Variants in MAML1 observed in about 807,000 individuals in gnomAD.
MAML1 encodes the protein mastermind-like protein 1.
A neutral mutation model predicts 77.1 loss-of-function variants in MAML1; 14 were observed. The observed-to-expected ratio is 0.18, with a 90% CI of 0.12 to 0.28. The LOEUF (loss-of-function observed/expected upper bound fraction) is 0.28, where lower values mean the gene tolerates loss of function less well. Ranked by LOEUF, MAML1 falls within the 10% of genes least tolerant of loss-of-function variation. MAML1 has a pLI of 1.00. For missense variants in MAML1, 1,217 were observed against 1,327.8 expected (o/e 0.92, Z 1.30); for synonymous variants, 516 against 551.9 (o/e 0.93, Z 0.91).
intron 1 of MAML1, among the ~76,000 whole-genome samples, chr5:179,737,729 T>G (rs1021419095): frequency 2.6e-4 from 26 of 99,670 alleles, no homozygotes; most frequent in African/African-American, 7.5e-4. Context: ...CTGCTTAGTC[T>G]GTTAGAGATG....
rs1055246227 is a variant in MAML1, at chr5:179,777,014, T to G, written c.*2137T>G. ...AATGTTTACAATTTTATATGAAAGA[T>G]GGAATAAGCGCTAGAGCTTCCAACT... On this transcript the variant is annotated 3_prime_UTR_variant, in exon 5 of 5. Transcript: ENST00000292599. The G allele has an allele frequency of 2.0e-6, 2 of 984,888 alleles. No individual in the cohort carries two copies. The highest frequency in any genetic ancestry group is 1.2e-4 in the Admixed American group (2 of 16,270). 61.0% of individuals were successfully genotyped at this position (984,888 alleles called of 1,614,324 possible).
At chr5:179,764,243 T>C (rs892315763) in intron 1 of MAML1, among the ~76,000 whole-genome samples, 1 of 152,114 alleles carries the variant, frequency 6.6e-6, no homozygotes, top group East Asian at 1.9e-4. Flanking sequence ...ACAGCACTTG[T>C]CTCTGGCACA....
At chr5:179,755,309 A>G (rs1310823479) in intron 1 of MAML1, among the ~76,000 whole-genome samples, 1 of 152,178 alleles carries the variant, frequency 6.6e-6, no homozygotes, top group African/African-American at 2.4e-5. Context: ...AGTGACCTTG[A>G]CTGTAGCAGT....
At chr5:179,736,218 C>T (rs1253285320) in intron 1 of MAML1, among the ~76,000 whole-genome samples, 7 of 152,146 alleles carry the variant, frequency 4.6e-5, no homozygotes, top group Admixed American at 3.9e-4. Context: ...TCATGAGCCA[C>T]CTTTCATGGC....
At chr5:179,744,928 G>A (rs1779350893) in intron 1 of MAML1, among the ~76,000 whole-genome samples, 1 of 149,792 alleles carries the variant, frequency 6.7e-6, no homozygotes, top group Non-Finnish European at 1.5e-5. Context: ...TTGAGACTGA[G>A]CCTTGCTCTG....
chr5:179,765,489 C>A lies in MAML1; in HGVS notation c.479C>A (p.Pro160His), dbSNP rs141968004. The A allele has an allele frequency of 3.4e-5, 55 of 1,614,030 alleles. No homozygotes were observed. Among genetic ancestry groups the A allele is most frequent in the Admixed American group, 1.0e-4 (6 of 59,972 alleles). The change falls in exon 2 of 5, where the codon CCC becomes CAC. Residue 160 changes from proline (P) to histidine (H), a missense_variant. Around this residue, in one of 3 missense-constraint regions of MAML1, gnomAD observed 312 missense variants for 331.4 expected, o/e 0.94. Transcript: ENST00000292599. ...TCCAATGGACTGCCTCCAGCCTCCC[C>A]CCTCGGTCAGTCTGACAAGCCTTCT... is the stretch of plus-strand genomic sequence containing the variant. ...ISSNGLPPAS[P>H]LGQSDKPSGA... is the part of the protein sequence containing the mutation.
At chr5:179,736,649 C>T (rs978227396) in intron 1 of MAML1, among the ~76,000 whole-genome samples, 2 of 152,026 alleles carry the variant, frequency 1.3e-5, no homozygotes, top group African/African-American at 4.8e-5. Flanking sequence ...AAATAGTTGC[C>T]TTGAATCCTC....
intron 1 of MAML1, among the ~76,000 whole-genome samples, chr5:179,741,680 T>G (rs1779287263): frequency 9.4e-6 from 1 of 106,816 alleles, no homozygotes; most frequent in African/African-American, 3.7e-5. Flanking sequence ...AGCGAGACTG[T>G]CTCAAAAAAA....
rs772531851 is a variant in MAML1 at position 179,766,088 on chromosome 5, A to G, written c.1078A>G (p.Ser360Gly). 7 of 1,582,306 alleles carry G rather than the reference A, an allele frequency of 4.4e-6. No individual in the cohort carries two copies. The African/African-American group carries it at 9.5e-5, about 22-fold the overall frequency. The change falls in exon 2 of 5, where the codon AGT becomes GGT. Residue 360 changes from serine (S) to glycine (G), a missense_variant. Transcript: ENST00000292599. The surrounding 1 kb of genome is among the most constrained non-coding windows in gnomAD (Gnocchi z 4.0). Reference sequence around the variant, plus strand: ...TGGTCAGCCCCGGGCGGACAATCCCAGTCCAAACCTGATGCCGGCATCAGC... The same window carrying G: ...TGGTCAGCCCCGGGCGGACAATCCCGGTCCAAACCTGATGCCGGCATCAGC... ...TSGQPRADNP[S>G]PNLMPASAQA...
chr5:179,776,746 C>T lies in MAML1; in HGVS notation c.*1869C>T, dbSNP rs540124102. The T allele has an allele frequency of 1.6e-4, 161 of 985,954 alleles. No homozygotes were observed. The highest frequency in any genetic ancestry group is 5.2e-4 in the Middle Eastern group (1 of 1,916). The allele number at this position is 985,954 out of a possible 1,614,324, so 61.1% of individuals were successfully genotyped here. A position where few individuals can be genotyped will look rare whatever the true frequency, so the allele number is the denominator to read the frequency against. On this transcript the variant is annotated 3_prime_UTR_variant, in exon 5 of 5. Transcript: ENST00000292599. ...CCCGGGGCTCGCTGGCCCTGCACTCCGCCTTAGTCCTGGGGCCGGCGACAC... is the reference window on the plus strand; with the variant it reads ...CCCGGGGCTCGCTGGCCCTGCACTCTGCCTTAGTCCTGGGGCCGGCGACAC...
intron 1 of MAML1, among the ~76,000 whole-genome samples, chr5:179,748,466 CTG>C (rs1779423965): frequency 6.6e-6 from 1 of 151,246 alleles, no homozygotes; most frequent in East Asian, 1.9e-4. Context: ...GAGACAGAAA[CTG>C]TGATTTTATA....
chr5:179,768,120 A>G (rs1031334802), intron 2 of MAML1, among the ~76,000 whole-genome samples: 6 of 152,242 alleles, frequency 3.9e-5, no homozygotes, highest in African/African-American at 9.6e-5. Context: ...GTTTATGCAC[A>G]TGGGACAGAG....
rs1011726560 is a variant in MAML1 at position 179,771,626 on chromosome 5, T to C, written c.2068+383T>C. Reference sequence around the variant, plus strand: ...CAGATAAGGACTTAATGCACTTGCGTGGCCTTTGGCTTCTTTCTCTCCTCC... The same window carrying C: ...CAGATAAGGACTTAATGCACTTGCGCGGCCTTTGGCTTCTTTCTCTCCTCC... On this transcript the variant is annotated intron_variant, in intron 4 of 4. Transcript: ENST00000292599. The surrounding 1 kb of genome is among the most constrained non-coding windows in gnomAD (Gnocchi z 4.7). Among the ~76,000 whole-genome samples, 1 of 152,268 alleles carries C rather than the reference T, an allele frequency of 6.6e-6. No individual in the cohort carries two copies. The highest frequency in any genetic ancestry group is 1.5e-5 in the Non-Finnish European group (1 of 68,054).
Position 179,733,073 on chromosome 5 carries a change from G to A in MAML1, c.-40G>A. ...AGCCCGCAGTGCCAGCCGGCCCCGA[G>A]AGGCCCGGCCCCGGGCCCGGCCCGT... On this transcript the variant is annotated 5_prime_UTR_variant, in exon 1 of 5. Transcript: ENST00000292599. 3.3e-6 allele frequency: 4 copies of A among 1,217,836 alleles called. No homozygotes were observed. The highest frequency in any genetic ancestry group is 4.1e-6 in the Non-Finnish European group (4 of 966,618). The allele number at this position is 1,217,836 out of a possible 1,614,324, so 75.4% of individuals were successfully genotyped here.
In MAML1 at chr5:179,775,264, G is replaced by C; in HGVS notation, c.*387G>C. On this transcript the variant is annotated 3_prime_UTR_variant, in exon 5 of 5. Transcript: ENST00000292599. ...AGACTGCTCCACTTACCCCAGTGCT[G>C]GGGACAAGTTTCTGTTGAAACTTTA... 1 of 1,006,382 alleles carries C rather than the reference G, an allele frequency of 9.9e-7. No homozygotes were observed. Among genetic ancestry groups the C allele is most frequent in the Non-Finnish European group, 1.2e-6 (1 of 844,470 alleles). 62.3% of individuals were successfully genotyped at this position (1,006,382 alleles called of 1,614,324 possible). A position where few individuals can be genotyped will look rare whatever the true frequency, so the allele number is the denominator to read the frequency against.
At position 179,774,032 on chromosome 5, in the gene MAML1, G is replaced by C; in HGVS notation, c.2206G>C (p.Gly736Arg). Residue 736 changes from glycine (G) to arginine (R), a missense_variant, in exon 5 of 5, where the codon GGC (glycine) becomes CGC (arginine). Physicochemically the swap from Gly to Arg is moderately radical, Grantham distance 125 (BLOSUM62 -2). Coordinates refer to ENST00000292599, the MANE Select transcript of MAML1 (RefSeq NM_014757.5). The stretch of plus-strand genomic sequence containing the variant: ...AGTTTCCTCTCTCCCCACAAACTCA[G>C]GCCAACAGGACCGGGGTGTGGCTCA... The part of the protein sequence containing the change: ...ASVSSLPTNS[G>R]QQDRGVAQFP... 2 of 1,614,186 alleles carry C rather than the reference G, an allele frequency of 1.2e-6. No homozygotes were observed. Among genetic ancestry groups the C allele is most frequent in the Non-Finnish European group, 1.7e-6 (2 of 1,180,046 alleles).
At position 179,774,805 on chromosome 5, in the gene MAML1, C is replaced by T. The variant is rs199901618; in HGVS notation, c.2979C>T (p.Ile993=). ...GTGTGGCTGGACACACCGATCTGAT[C>T]GACTCCCTGCTGAAGAACAGGACTT... ...LSSVAGHTDL[I]DSLLKNRTSE... is the part of the protein sequence containing the mutation. Residue 993 remains isoleucine, a synonymous_variant, in exon 5 of 5, where the codon ATC becomes ATT. Transcript: ENST00000292599. The T allele has an allele frequency of 3.1e-6, 5 of 1,613,956 alleles. No individual in the cohort carries two copies. The highest frequency in any genetic ancestry group is 3.3e-5 in the Admixed American group (2 of 60,034).
At chr5:179,736,089 A>G (rs893782108) in intron 1 of MAML1, among the ~76,000 whole-genome samples, 6 of 152,206 alleles carry the variant, frequency 3.9e-5, no homozygotes, top group African/African-American at 1.4e-4. Context: ...CTTGGGTAGT[A>G]CACATCTGAG....
chr5:179,733,063 C>A lies in MAML1; in HGVS notation c.-50C>A. The A allele has an allele frequency of 8.6e-7, 1 of 1,165,664 alleles. No homozygotes were observed. The highest frequency in any genetic ancestry group is 1.1e-6 in the Non-Finnish European group (1 of 923,262). 72.2% of individuals were successfully genotyped at this position (1,165,664 alleles called of 1,614,324 possible). The stretch of plus-strand genomic sequence containing the variant: ...CGGGGAGCGAAGCCCGCAGTGCCAG[C>A]CGGCCCCGAGAGGCCCGGCCCCGGG... On this transcript the variant is annotated 5_prime_UTR_variant, in exon 1 of 5. Coordinates refer to ENST00000292599, the MANE Select transcript of MAML1 (RefSeq NM_014757.5).
Sources: allele counts gnomAD v4.1 joint callset (sites outside exome capture counted in the v4.1 genomes callset), GRCh38; gene constraint gnomAD v4.1.1; regional missense constraint gnomAD v4.1.1; non-coding constraint Gnocchi (gnomAD v3.1); transcripts MANE v1.5; gene names NCBI Gene and HGNC (gene_info 2026-07-23, HGNC 2026-07-21).